COX10: variants seen among roughly 807,000 people sequenced by gnomAD.
The protein encoded by COX10 is protoheme IX farnesyltransferase, mitochondrial.
COX10 carries 27 observed loss-of-function variants against 37.3 expected under a neutral mutation model. That is an observed-to-expected ratio of 0.72 (90% CI 0.53 to 1.00). The LOEUF is 1.00. COX10 is among the 50% of genes least tolerant of loss of function. The pLI is 0.00. For missense variants in COX10, 475 were observed against 563.2 expected (o/e 0.84, Z 1.59); for synonymous variants, 222 against 229.1 (o/e 0.97, Z 0.28).
intron 4 of COX10, among the ~76,000 whole-genome samples, chr17:14,117,077 T>C (rs1470065606): frequency 6.6e-6 from 1 of 152,228 alleles, no homozygotes; most frequent in Non-Finnish European, 1.5e-5. Flanking sequence ...TTATTTGTAT[T>C]TCCCTTTTTG....
intron 4 of COX10, 95 bp downstream of exon 4, chr17:14,102,337 T>C (rs1915803877): frequency 7.8e-7 from 1 of 1,277,906 alleles, no homozygotes; most frequent in Non-Finnish European, 1.1e-6. Context: ...ACTCATATAT[T>C]GATGGAGAAG....
chr17:14,203,615 A>C (rs1906611925), intron 6 of COX10, among the ~76,000 whole-genome samples: 1 of 152,194 alleles, frequency 6.6e-6, no homozygotes, highest in South Asian at 2.1e-4. Context: ...GCTGTTGAGG[A>C]ATACAGATCA....
intron 4 of COX10, among the ~76,000 whole-genome samples, chr17:14,121,655 A>G (rs1381787885): frequency 6.6e-6 from 1 of 152,222 alleles, no homozygotes. Context: ...GGTAAGTAAG[A>G]CATTATTTCT....
intron 4 of COX10, among the ~76,000 whole-genome samples, chr17:14,119,146 A>G: frequency 6.6e-6 from 1 of 151,990 alleles, no homozygotes; most frequent in East Asian, 1.9e-4. Flanking sequence ...TCATATGCAG[A>G]GTGTGTGGTA....
intron 4 of COX10, among the ~76,000 whole-genome samples, chr17:14,139,025 A>G (rs1330261943): frequency 6.6e-6 from 1 of 152,176 alleles, no homozygotes; most frequent in Non-Finnish European, 1.5e-5. Flanking sequence ...CATCTTTAAA[A>G]TGATGATAAT....
chr17:14,136,880 T>C lies in COX10; in HGVS notation c.625-22997T>C, dbSNP rs147002999. On this transcript the variant is annotated intron_variant, in intron 4 of 6. Transcript: ENST00000261643. ...TATAGTGTTTAGTTTCCATTTGACA[T>C]TGAAATCTTTTTGGTTATTTGTCAG... Among the ~76,000 whole-genome samples, 12 of 152,226 alleles carry C rather than the reference T, an allele frequency of 7.9e-5. 1 individual carries two copies. Among genetic ancestry groups the C allele is most frequent in the African/African-American group, 2.9e-4 (12 of 41,568 alleles).
chr17:14,186,161 C>T (rs1906019083), intron 5 of COX10, among the ~76,000 whole-genome samples: 1 of 152,204 alleles, frequency 6.6e-6, no homozygotes, highest in South Asian at 2.1e-4. Flanking sequence ...TCTTTGCTGA[C>T]TTCCACATGG....
chr17:14,112,614 T>A (rs999171813), intron 4 of COX10, among the ~76,000 whole-genome samples: 4 of 152,150 alleles, frequency 2.6e-5, no homozygotes, highest in Admixed American at 1.3e-4. Context: ...ATATAGGCAG[T>A]GCCTTAGGCA....
chr17:14,118,859 A>T (rs1001935456), intron 4 of COX10, among the ~76,000 whole-genome samples: 1 of 150,814 alleles, frequency 6.6e-6, no homozygotes, highest in Non-Finnish European at 1.5e-5. Context: ...TTATTTCTAT[A>T]ATACCTGTAG....
intron 4 of COX10, among the ~76,000 whole-genome samples, chr17:14,136,197 G>A (rs1423712899): frequency 6.6e-6 from 1 of 151,880 alleles, no homozygotes; most frequent in East Asian, 1.9e-4. Flanking sequence ...TCAGAAATAC[G>A]AGAAATTTTA....
chr17:14,124,921 C>T (rs937572898), intron 4 of COX10, among the ~76,000 whole-genome samples: 1 of 152,112 alleles, frequency 6.6e-6, no homozygotes, highest in Non-Finnish European at 1.5e-5. Flanking sequence ...AGAAATCTTC[C>T]CTTTTGTGTA....
intron 5 of COX10, chr17:14,181,906 G>A (rs1419485357): frequency 1.4e-6 from 1 of 724,354 alleles, no homozygotes; most frequent in Non-Finnish European, 1.7e-6. Context: ...AGATGAATTG[G>A]TGTAGCATAA....
chr17:14,144,660 G>A (rs1157263245), intron 4 of COX10, among the ~76,000 whole-genome samples: 1 of 152,156 alleles, frequency 6.6e-6, no homozygotes, highest in Non-Finnish European at 1.5e-5. Flanking sequence ...TTGCAAAGAT[G>A]GAATTGTAGC....
At chr17:14,175,258 T>C (rs1162023379) in intron 5 of COX10, among the ~76,000 whole-genome samples, 1 of 151,880 alleles carries the variant, frequency 6.6e-6, no homozygotes, top group Non-Finnish European at 1.5e-5. Flanking sequence ...AATTTGTGTA[T>C]TGAAAATTAT....
At chr17:14,200,767 T>G (rs1180119345) in intron 6 of COX10, among the ~76,000 whole-genome samples, 1 of 152,232 alleles carries the variant, frequency 6.6e-6, no homozygotes, top group Non-Finnish European at 1.5e-5. Context: ...AAACCAAATG[T>G]GTACAAAGAT....
At chr17:14,149,822 C>T (rs943888000) in intron 4 of COX10, among the ~76,000 whole-genome samples, 3 of 152,218 alleles carry the variant, frequency 2.0e-5, no homozygotes, top group Middle Eastern at 3.4e-3. Flanking sequence ...GCCCCATTTT[C>T]CTTTGAGCTA....
intron 3 of COX10, among the ~76,000 whole-genome samples, chr17:14,081,125 C>G (rs894209601): frequency 6.6e-6 from 1 of 152,142 alleles, no homozygotes; most frequent in East Asian, 1.9e-4. Flanking sequence ...TATATCATGC[C>G]GCAGTGACAG....
chr17:14,180,551 C>T (rs1400939604), intron 5 of COX10, among the ~76,000 whole-genome samples: 5 of 152,154 alleles, frequency 3.3e-5, no homozygotes, highest in African/African-American at 7.2e-5. Context: ...TATTTTCAAG[C>T]GTTGTGAGCT....
intron 6 of COX10, among the ~76,000 whole-genome samples, chr17:14,192,918 G>T (rs1459599711): frequency 6.6e-6 from 1 of 151,982 alleles, no homozygotes; most frequent in Non-Finnish European, 1.5e-5. Flanking sequence ...TTTTTCACAT[G>T]AGAGATCAAA....
Sources: gnomAD v4.1 joint callset for allele counts (sites outside exome capture counted in the v4.1 genomes callset) on GRCh38, gnomAD v4.1.1 for gene constraint, MANE v1.5 for transcripts, NCBI Gene and HGNC (gene_info 2026-07-23, HGNC 2026-07-21) for gene names.